FAM169A: variants seen among roughly 807,000 people sequenced by gnomAD.
FAM169A encodes family with sequence similarity 169 member A.
A neutral mutation model predicts 75.7 loss-of-function variants in FAM169A; 24 were observed. That is an observed-to-expected ratio of 0.32 (90% confidence interval 0.23 to 0.45). FAM169A has a LOEUF of 0.45. Ranked by LOEUF, FAM169A falls within the 20% of genes least tolerant of loss-of-function variation. The pLI is 1.00. For synonymous variants in FAM169A, 271 were observed against 271.0 expected, an observed-to-expected ratio of 1.00 and a Z score of 0.00; for missense variants, 673 against 784.0, an observed-to-expected ratio of 0.86 and a Z score of 1.69.
At chr5:74,831,280 CTAA>C (rs757167281) in intron 5 of FAM169A, among the ~76,000 whole-genome samples, 2 of 152,136 alleles carry the variant, frequency 1.3e-5, no homozygotes, top group African/African-American at 4.8e-5. Context: ...CTCTTTGATA[CTAA>C]TGCTTGATTT....
intron 6 of FAM169A, among the ~76,000 whole-genome samples, chr5:74,806,817 C>A (rs1224134777): frequency 6.6e-6 from 1 of 152,032 alleles, no homozygotes; most frequent in Admixed American, 6.5e-5. Flanking sequence ...ATTCAAAAGA[C>A]AAAGTTATCC....
At chr5:74,818,945 C>T (rs1053464054) in intron 5 of FAM169A, among the ~76,000 whole-genome samples, 2 of 152,024 alleles carry the variant, frequency 1.3e-5, no homozygotes, top group Admixed American at 6.6e-5. Context: ...GATGGCTAGG[C>T]GCGGAGGCTC....
At chr5:74,798,379 T>C (rs753827338) in intron 10 of FAM169A, among the ~76,000 whole-genome samples, 1 of 152,200 alleles carries the variant, frequency 6.6e-6, no homozygotes, top group Non-Finnish European at 1.5e-5. Context: ...TTAAAATATA[T>C]TGTTACCCTT....
chr5:74,832,384 G>A (rs909175497), intron 5 of FAM169A, among the ~76,000 whole-genome samples: 6 of 151,972 alleles, frequency 3.9e-5, no homozygotes, highest in African/African-American at 1.2e-4. Flanking sequence ...TGTACTGTAA[G>A]AGAATTTGAC....
intron 10 of FAM169A, chr5:74,799,640 G>A (rs893971796): frequency 7.3e-6 from 10 of 1,374,124 alleles, no homozygotes; most frequent in Non-Finnish European, 1.0e-5. Context: ...TCCGCCAGTG[G>A]GAGCCACCTG....
chr5:74,806,639 C>T (rs990887692), intron 6 of FAM169A, among the ~76,000 whole-genome samples: 2 of 152,182 alleles, frequency 1.3e-5, no homozygotes, highest in Non-Finnish European at 2.9e-5. Flanking sequence ...CCACTAGCCA[C>T]ATGTGACTAC....
chr5:74,827,891 C>A (rs1424101600), intron 5 of FAM169A, among the ~76,000 whole-genome samples: 1 of 151,944 alleles, frequency 6.6e-6, no homozygotes, highest in African/African-American at 2.4e-5. Context: ...ATCTTGAACT[C>A]CTGACCTCGG....
intron 11 of FAM169A, among the ~76,000 whole-genome samples, chr5:74,790,986 C>T (rs966346390): frequency 2.0e-5 from 3 of 152,132 alleles, no homozygotes; most frequent in African/African-American, 4.8e-5. Context: ...GACTACCACC[C>T]GTGGACTCGC....
rs565720169 is a variant in FAM169A, at chr5:74,835,525, G to A, written c.319-928C>T. On this transcript the variant is annotated intron_variant, in intron 4 of 12. Coordinates refer to ENST00000687041, the MANE Select transcript of FAM169A (RefSeq NM_001376049.1). ...GCTAAAGGGGGAAGATCACTTGAGC[G>A]CAAGAGGTTGAGGTTGCAGTGAGCT... Among the ~76,000 whole-genome samples, 302 of 147,792 alleles carry A rather than the reference G, an allele frequency of 2.0e-3. 1 individual carries two copies. Among genetic ancestry groups the A allele is most frequent in the Middle Eastern group, 7.6e-3 (2 of 264 alleles).
intron 5 of FAM169A, among the ~76,000 whole-genome samples, chr5:74,828,496 A>T (rs1748148217): frequency 6.6e-6 from 1 of 152,162 alleles, no homozygotes; most frequent in African/African-American, 2.4e-5. Flanking sequence ...CATACCTGAA[A>T]GTCTCCATGT....
intron 11 of FAM169A, among the ~76,000 whole-genome samples, chr5:74,783,671 A>G (rs1745527540): frequency 6.6e-6 from 1 of 152,226 alleles, no homozygotes; most frequent in Non-Finnish European, 1.5e-5. Context: ...AGTCTCAGTC[A>G]ACACCAGGGT....
At chr5:74,839,780 T>A (rs1042680234) in intron 3 of FAM169A, among the ~76,000 whole-genome samples, 1 of 152,082 alleles carries the variant, frequency 6.6e-6, no homozygotes, top group Middle Eastern at 3.2e-3. Context: ...CACCTCGACC[T>A]CCCAAAGTGC....
At chr5:74,802,287 C>T (rs984422905) in intron 8 of FAM169A, among the ~76,000 whole-genome samples, 2 of 151,954 alleles carry the variant, frequency 1.3e-5, no homozygotes, top group Admixed American at 1.3e-4. Flanking sequence ...CAACAGCCTC[C>T]TCACTCATAT....
intron 10 of FAM169A, chr5:74,799,879 AC>A: frequency 1.0e-6 from 1 of 1,001,374 alleles, no homozygotes; most frequent in South Asian, 1.3e-5. Flanking sequence ...ATCCAACGCA[AC>A]ATGTCTGCCA....
In FAM169A at chr5:74,783,556, G is replaced by C. The variant is rs77283612; in HGVS notation, c.1261-422C>G. On this transcript the variant is annotated intron_variant, in intron 11 of 12. Coordinates refer to ENST00000687041, the MANE Select transcript of FAM169A (RefSeq NM_001376049.1). Reference sequence around the variant, plus strand: ...CATAACACCAGCTGTTCAGCATCTGGAATCTATGGGAAATTACAGTTTTCT... The same window carrying C: ...CATAACACCAGCTGTTCAGCATCTGCAATCTATGGGAAATTACAGTTTTCT... Among the ~76,000 whole-genome samples, 136 of 152,262 alleles carry C rather than the reference G, an allele frequency of 8.9e-4. 1 individual carries two copies. The East Asian group carries it at 0.025, about 28-fold the overall frequency.
chr5:74,805,880 A>C (rs1746851060), intron 6 of FAM169A, among the ~76,000 whole-genome samples: 3 of 151,864 alleles, frequency 2.0e-5, no homozygotes, highest in Admixed American at 2.0e-4. Context: ...TTTTTAATGA[A>C]ACTTAACAAA....
chr5:74,789,582 G>C (rs531388912), intron 11 of FAM169A, among the ~76,000 whole-genome samples: 1 of 152,336 alleles, frequency 6.6e-6, no homozygotes, highest in Admixed American at 6.5e-5. Flanking sequence ...TGTGCAAGCT[G>C]CTCTGCCACT....
Position 74,781,981 on chromosome 5 carries a change from A to G in FAM169A, c.1492T>C (p.Leu498=), listed in dbSNP as rs369879425. Residue 498 remains leucine (L), a synonymous_variant, in exon 13 of 13, where the codon TTG becomes CTG. Transcript: ENST00000687041. ...KTPRIPDSEM[L]MDEGTSDEKG... ...TCATCAGATGTGCCTTCATCCATCA[A>G]CATTTCTGAGTCAGGTATACGTGGG... is the stretch of plus-strand genomic sequence containing the variant. 5 of 1,612,804 alleles carry G rather than the reference A, an allele frequency of 3.1e-6. No individual in the cohort carries two copies. Among genetic ancestry groups the G allele is most frequent in the Non-Finnish European group, 4.2e-6 (5 of 1,179,024 alleles).
At chr5:74,850,794 G>A (rs1011067257) in intron 1 of FAM169A, among the ~76,000 whole-genome samples, 3 of 151,912 alleles carry the variant, frequency 2.0e-5, no homozygotes, top group Non-Finnish European at 4.4e-5. Flanking sequence ...ATAATGCAGT[G>A]TTTTTTTTAA....
Sources: gnomAD v4.1 joint callset for allele counts (sites outside exome capture counted in the v4.1 genomes callset) on GRCh38, gnomAD v4.1.1 for gene constraint, MANE v1.5 for transcripts, NCBI Gene and HGNC (gene_info 2026-07-23, HGNC 2026-07-21) for gene names.